Variants in PDCD11 observed in about 807,000 individuals in gnomAD.
The protein encoded by PDCD11 is protein RRP5 homolog.
A neutral mutation model predicts 198.9 loss-of-function variants in PDCD11; 97 were observed. The observed-to-expected ratio is 0.49, with a 90% CI of 0.41 to 0.58. PDCD11 has a LOEUF of 0.58. PDCD11 is among the 20% of genes least tolerant of loss of function. PDCD11 has a pLI of 0.00. For synonymous variants in PDCD11, 893 were observed against 918.0 expected, an observed-to-expected ratio of 0.97 and a Z score of 0.49; for missense variants, 2,102 against 2,312.7, an observed-to-expected ratio of 0.91 and a Z score of 1.87.
rs1277095120 is a variant in PDCD11 at position 103,413,211 on chromosome 10, ACT to A, written c.1079_1080del (p.Ser360LeufsTer10). 1.2e-6 allele frequency: 2 copies of A among 1,613,362 alleles called. No homozygotes were observed. The highest frequency in any genetic ancestry group is 1.7e-6 in the Non-Finnish European group (2 of 1,179,844). On this transcript the variant is annotated frameshift_variant, in exon 9 of 36. Coordinates refer to ENST00000369797, the MANE Select transcript of PDCD11 (RefSeq NM_014976.2). LOFTEE classifies it high-confidence loss of function. ...FLQPGRPLTR[L>X]SCQNLGAVLD... ...TACAGCCTGGACGCCCACTCACCCGACTCTCTTGCCAGAACCTTGGAGCAGTG... is the reference window on the plus strand; with the variant it reads ...TACAGCCTGGACGCCCACTCACCCGACTCTTGCCAGAACCTTGGAGCAGTG...
At chr10:103,412,876 G>A (rs575406700) in intron 8 of PDCD11, among the ~76,000 whole-genome samples, 7 of 152,380 alleles carry the variant, frequency 4.6e-5, no homozygotes, top group African/African-American at 1.7e-4. Context: ...GGGATTACCA[G>A]TGTGAGCCAC....
intron 9 of PDCD11, 106 bp from the exon 10 acceptor site, chr10:103,413,860 T>C (rs2030944626): frequency 7.2e-6 from 8 of 1,103,924 alleles, no homozygotes; most frequent in Non-Finnish European, 1.0e-5. Flanking sequence ...CAAAGTACTG[T>C]TTTTATGGTA....
intron 19 of PDCD11, 114 bp from the exon 20 acceptor site, chr10:103,424,869 TC>T: frequency 8.5e-7 from 1 of 1,177,562 alleles, no homozygotes; most frequent in Non-Finnish European, 1.2e-6. Flanking sequence ...AGCCTTGAGT[TC>T]CCTAGCCTTG....
chr10:103,416,517 G>A lies in PDCD11; in HGVS notation c.1545G>A (p.Lys515=). 1 of 1,614,152 alleles carries A rather than the reference G, an allele frequency of 6.2e-7. No individual in the cohort carries two copies. The highest frequency in any genetic ancestry group is 8.5e-7 in the Non-Finnish European group (1 of 1,180,012). ...CRVLLCDPEA[K]KLMMTLKKTL... The stretch of plus-strand genomic sequence containing the variant: ...TTTTGCTTTGTGACCCTGAAGCCAA[G>A]AAGCTGATGATGACCCTGAAAAAAA... Residue 515 remains lysine, a synonymous_variant, in exon 13 of 36, where the codon AAG becomes AAA. Coordinates refer to ENST00000369797, the MANE Select transcript of PDCD11 (RefSeq NM_014976.2).
chr10:103,425,782 C>T (rs2031671942), intron 20 of PDCD11, among the ~76,000 whole-genome samples: 1 of 152,008 alleles, frequency 6.6e-6, no homozygotes, highest in Non-Finnish European at 1.5e-5. Context: ...TGGGTTCACA[C>T]CCTTCTCCTG....
chr10:103,400,982 T>C (rs2133670300), intron 3 of PDCD11, among the ~76,000 whole-genome samples: 1 of 152,338 alleles, frequency 6.6e-6, no homozygotes, highest in East Asian at 1.9e-4. Flanking sequence ...CTCGAACTCC[T>C]GTGCTCAAGC....
rs2030743382 is a variant in PDCD11, at chr10:103,410,630, A to G, written c.978+824A>G. 2.1e-5 allele frequency among the ~76,000 whole-genome samples: 3 copies of G among 139,832 alleles called. No homozygotes were observed. In the South Asian group the frequency reaches 6.7e-4, roughly 31 times the overall value. The allele number at this position is 139,832 out of a possible 152,430, so 91.7% of individuals were successfully genotyped here. ...TTTTTTTTTTTCTTTTTTTTTTAAG[A>G]CAGTGTCTTACTCTGTCACCCAGGC... On this transcript the variant is annotated intron_variant, in intron 8 of 35. Coordinates refer to ENST00000369797, the MANE Select transcript of PDCD11 (RefSeq NM_014976.2).
rs112740038 is a variant in PDCD11, at chr10:103,412,162, CT to C, written c.979-941del. On this transcript the variant is annotated intron_variant, in intron 8 of 35. Coordinates refer to ENST00000369797, the MANE Select transcript of PDCD11 (RefSeq NM_014976.2). ...GGTGCATGCCACCATGCTTGGCTAA[CT>C]TTTTTTTTTTTTCTTGAGACTGAGT... 1.7e-3 allele frequency among the ~76,000 whole-genome samples: 231 copies of C among 139,042 alleles called. 1 individual carries two copies. The highest frequency in any genetic ancestry group is 7.5e-3 in the Middle Eastern group (2 of 268). The allele number at this position is 139,042 out of a possible 152,430, so 91.2% of individuals were successfully genotyped here.
chr10:103,397,943 A>G (rs1180706343), intron 1 of PDCD11, among the ~76,000 whole-genome samples: 1 of 152,188 alleles, frequency 6.6e-6, no homozygotes, highest in Non-Finnish European at 1.5e-5. Flanking sequence ...CTTAAGCTAA[A>G]AAAGATCTTC....
chr10:103,440,688 G>A, intron 29 of PDCD11, 46 bp from the exon 30 acceptor site: 1 of 1,613,674 alleles, frequency 6.2e-7, no homozygotes, highest in Non-Finnish European at 8.5e-7. Context: ...TGTCGCCTGG[G>A]GCTGCAGGAG....
rs1312278190 is a variant in PDCD11, at chr10:103,416,735, C to G, written c.1763C>G (p.Thr588Ser). 2 of 1,613,472 alleles carry G rather than the reference C, an allele frequency of 1.2e-6. No individual in the cohort carries two copies. ...CCTGACCCGGAGAGAGTTTTTTACA[C>G]TGGCCAGGTAACCCTTCCCCTAGAC... ...YIPDPERVFY[T>S]GQVVKVVVLN... The change falls in exon 13 of 36, where the codon ACT becomes AGT. Residue 588 changes from threonine to serine, a missense_variant. Thr to Ser is a moderately conservative substitution (Grantham distance 58). Transcript: ENST00000369797.
chr10:103,408,845 T>C (rs1295676238), intron 7 of PDCD11, among the ~76,000 whole-genome samples: 1 of 152,148 alleles, frequency 6.6e-6, no homozygotes. Context: ...CACCTTCTTG[T>C]TGACCGTTTA....
intron 8 of PDCD11, 109 bp downstream of exon 8, chr10:103,409,915 C>G: frequency 1.3e-6 from 1 of 770,350 alleles, no homozygotes; most frequent in Non-Finnish European, 2.3e-6. Flanking sequence ...TACAGGTGTG[C>G]AGAGAGGAGA....
Position 103,421,492 on chromosome 10 carries a change from G to C in PDCD11, c.2422G>C (p.Ala808Pro). The C allele has an allele frequency of 6.3e-7, 1 of 1,594,536 alleles. No individual in the cohort carries two copies. The highest frequency in any genetic ancestry group is 8.5e-7 in the Non-Finnish European group (1 of 1,170,286). The change falls in exon 17 of 36, where the codon GCT becomes CCT. Residue 808 changes from alanine to proline, a missense_variant. By Grantham distance (27) the Ala-to-Pro change is conservative (BLOSUM62 -1). Coordinates refer to ENST00000369797, the MANE Select transcript of PDCD11 (RefSeq NM_014976.2). ...GTCGGACTGTGGTCTGGGGGACTTG[G>C]CTATCACCAGCCTCCTCCTCCTGAA... ...RLSDCGLGDL[A>P]ITSLLLLNQC...
intron 7 of PDCD11, among the ~76,000 whole-genome samples, chr10:103,409,037 T>A (rs994901182): frequency 2.6e-5 from 4 of 152,216 alleles, no homozygotes; most frequent in African/African-American, 9.7e-5. Context: ...TTACATGATA[T>A]TTAGAATTTA....
In PDCD11 at chr10:103,443,348, C is replaced by T. The variant is rs751708618; in HGVS notation, c.5124+15C>T. 2 of 1,591,814 alleles carry T rather than the reference C, an allele frequency of 1.3e-6. No individual in the cohort carries two copies. The highest frequency in any genetic ancestry group is 1.3e-5 in the African/African-American group (1 of 74,492). On this transcript the variant is annotated intron_variant, in intron 33 of 35. Coordinates refer to ENST00000369797, the MANE Select transcript of PDCD11 (RefSeq NM_014976.2). ...AGAAATTCCAGGTAGGAGGTTGGGC[C>T]ACAGACGAACTCCTGGGAGTTCCAG... is the stretch of plus-strand genomic sequence containing the variant.
intron 1 of PDCD11, among the ~76,000 whole-genome samples, chr10:103,397,210 CCTTT>C (rs1263978519): frequency 7.7e-6 from 1 of 130,144 alleles, no homozygotes. Context: ...GCATTTGAAT[CCTTT>C]TTTTTTTTTT....
chr10:103,417,295 C>T lies in PDCD11; in HGVS notation c.1771-497C>T, dbSNP rs533220545. On this transcript the variant is annotated intron_variant, in intron 13 of 35. Coordinates refer to ENST00000369797, the MANE Select transcript of PDCD11 (RefSeq NM_014976.2). ...CAAGTGATTCTCGTGCTTCAGCCAC[C>T]CAAGTAGCTGGGACTACAGGCATGT... Among the ~76,000 whole-genome samples the T allele has an allele frequency of 3.3e-5, 5 of 152,226 alleles. No individual in the cohort carries two copies. The East Asian group carries it at 9.7e-4, about 29-fold the overall frequency.
intron 16 of PDCD11, among the ~76,000 whole-genome samples, 175 bp downstream of exon 16, chr10:103,419,883 G>A (rs1466525064): frequency 6.6e-6 from 1 of 151,772 alleles, no homozygotes; most frequent in Admixed American, 6.6e-5. Flanking sequence ...TCCGCCTCCT[G>A]GGCTCAAGCG....
Sources: allele counts gnomAD v4.1 joint callset (sites outside exome capture counted in the v4.1 genomes callset), GRCh38; gene constraint gnomAD v4.1.1; transcripts MANE v1.5; gene names NCBI Gene and HGNC (gene_info 2026-07-23, HGNC 2026-07-21).